MAP2K4: variants seen among roughly 807,000 people sequenced by gnomAD.
MAP2K4 encodes dual specificity mitogen-activated protein kinase kinase 4.
Under a neutral mutation model 48.5 loss-of-function variants are expected in MAP2K4, and 4 were observed. The observed-to-expected ratio is 0.08, with a 90% CI of 0.04 to 0.19. MAP2K4 has a LOEUF of 0.19. MAP2K4 is among the 10% of genes least tolerant of loss of function. The pLI, the probability that MAP2K4 is intolerant of heterozygous loss-of-function variation, is 1.00. For synonymous variants in MAP2K4, 166 were observed against 173.1 expected (o/e 0.96, Z 0.32); for missense variants, 258 against 493.3 (o/e 0.52, Z 4.52).
intron 2 of MAP2K4, among the ~76,000 whole-genome samples, chr17:12,074,001 C>G (rs752643174): frequency 6.6e-6 from 1 of 152,072 alleles, no homozygotes; most frequent in South Asian, 2.1e-4. Context: ...CTCAAACTCC[C>G]GACCTCGTGA....
chr17:12,020,929 G>T lies in MAP2K4; in HGVS notation c.43G>T (p.Gly15Cys). ...SPSGGGGSGG[G>C]SGSGTPGPVG... ...GAGCGGCGGCGGCGGCTCCGGGGGC[G>T]GCAGCGGCAGCGGCACCCCCGGCCC... is the stretch of plus-strand genomic sequence containing the variant. Residue 15 changes from glycine to cysteine, a missense_variant, in exon 1 of 11, where the codon GGC becomes TGC. Coordinates refer to ENST00000353533, the MANE Select transcript of MAP2K4 (RefSeq NM_003010.4). 8.2e-7 allele frequency: 1 copy of T among 1,217,478 alleles called. No homozygotes were observed. Among genetic ancestry groups the T allele is most frequent in the South Asian group, 4.1e-5 (1 of 24,224 alleles). The allele number at this position is 1,217,478 out of a possible 1,614,324, so 75.4% of individuals were successfully genotyped here. A position where few individuals can be genotyped will look rare whatever the true frequency, so the allele number is the denominator to read the frequency against.
At chr17:12,129,991 G>C (rs1003389111) in intron 9 of MAP2K4, among the ~76,000 whole-genome samples, 1 of 152,010 alleles carries the variant, frequency 6.6e-6, no homozygotes, top group Non-Finnish European at 1.5e-5. Flanking sequence ...GGATATTTTT[G>C]ACATTTATTT....
chr17:12,049,972 C>G (rs1346133992), intron 1 of MAP2K4, among the ~76,000 whole-genome samples: 1 of 152,122 alleles, frequency 6.6e-6, no homozygotes, highest in Non-Finnish European at 1.5e-5. Context: ...TCTTCATTAC[C>G]ATGAACAATG....
intron 1 of MAP2K4, among the ~76,000 whole-genome samples, chr17:12,048,257 G>C (rs188918324): frequency 6.6e-6 from 1 of 152,254 alleles, no homozygotes; most frequent in Non-Finnish European, 1.5e-5. Context: ...CATCTCCACT[G>C]CCTGGCATAT....
intron 3 of MAP2K4, among the ~76,000 whole-genome samples, chr17:12,083,673 A>G (rs543493157): frequency 6.6e-6 from 1 of 152,354 alleles, no homozygotes; most frequent in Admixed American, 6.5e-5. Flanking sequence ...TTTGATACCA[A>G]TTGATGACAG....
chr17:12,096,064 GCCTCCCCCCCCCC>G (rs1971741006), intron 4 of MAP2K4, among the ~76,000 whole-genome samples: 1 of 8,314 alleles, frequency 1.2e-4, no homozygotes, highest in Admixed American at 2.0e-3. Context: ...CTTGAGCAAC[GCCTCCCCCCCCCC>G]CCCCCCCCCC....
chr17:12,089,073 G>T (rs1971477686), intron 3 of MAP2K4, among the ~76,000 whole-genome samples: 1 of 151,910 alleles, frequency 6.6e-6, no homozygotes. Flanking sequence ...CACCACGCCT[G>T]GCTAATTTTT....
intron 1 of MAP2K4, chr17:12,036,562 A>G (rs1291129511): frequency 6.6e-6 from 1 of 152,180 alleles, no homozygotes; most frequent in Non-Finnish European, 1.5e-5. Flanking sequence ...ATTCTTCCAA[A>G]ACCTCCTGAT....
intron 2 of MAP2K4, among the ~76,000 whole-genome samples, chr17:12,068,414 A>G (rs1423715431): frequency 6.6e-6 from 1 of 152,194 alleles, no homozygotes; most frequent in Non-Finnish European, 1.5e-5. Flanking sequence ...TGATAAAACT[A>G]TGGTAATGTA....
intron 3 of MAP2K4, among the ~76,000 whole-genome samples, chr17:12,086,826 TTTTTGTTTTG>T (rs61021597): frequency 0.39 from 59,022 of 150,088 alleles, 12,418 homozygotes; most frequent in Middle Eastern, 0.55. Flanking sequence ...AAAAACCTGT[TTTTTGTTTTG>T]TTTTGTTTTG....
intron 9 of MAP2K4, 81 bp from the exon 10 acceptor site, chr17:12,139,758 T>C: frequency 2.1e-6 from 2 of 972,046 alleles, no homozygotes; most frequent in Non-Finnish European, 3.2e-6. Context: ...TTTCATTATT[T>C]GTAATATTTC....
chr17:12,105,508 A>G (rs1972079563), intron 4 of MAP2K4, among the ~76,000 whole-genome samples: 1 of 151,938 alleles, frequency 6.6e-6, no homozygotes, highest in Non-Finnish European at 1.5e-5. Flanking sequence ...TCCTTATGTT[A>G]CCTTAGTAGT....
intron 4 of MAP2K4, among the ~76,000 whole-genome samples, chr17:12,099,381 A>C (rs140045783): frequency 6.6e-6 from 1 of 152,044 alleles, no homozygotes; most frequent in Admixed American, 6.6e-5. Context: ...TGATATAATG[A>C]TTTATTTTTC....
chr17:12,134,757 G>A (rs1013607884), intron 9 of MAP2K4, among the ~76,000 whole-genome samples: 1 of 152,112 alleles, frequency 6.6e-6, no homozygotes, highest in African/African-American at 2.4e-5. Flanking sequence ...GCACACAAAT[G>A]TACACAAAAC....
intron 1 of MAP2K4, among the ~76,000 whole-genome samples, chr17:12,034,002 G>A (rs1969517864): frequency 6.6e-6 from 1 of 152,058 alleles, no homozygotes; most frequent in Admixed American, 6.5e-5. Context: ...TGTTGCCCAG[G>A]CTGGTCTCGA....
intron 2 of MAP2K4, among the ~76,000 whole-genome samples, chr17:12,071,060 G>A (rs1970789925): frequency 1.3e-5 from 2 of 152,272 alleles, no homozygotes; most frequent in South Asian, 4.1e-4. Context: ...AATCTCTATG[G>A]TCTTCTTCCC....
At chr17:12,107,414 A>AAGTTTATGT (rs1972151360) in intron 4 of MAP2K4, among the ~76,000 whole-genome samples, 1 of 142,114 alleles carries the variant, frequency 7.0e-6, no homozygotes, top group Non-Finnish European at 1.5e-5. Context: ...CTAATTTAAG[A>AAGTTTATGT]AGTTTATGTA....
At chr17:12,137,177 G>T (rs112371843) in intron 9 of MAP2K4, among the ~76,000 whole-genome samples, 30 of 152,278 alleles carry the variant, frequency 2.0e-4, no homozygotes, top group African/African-American at 6.7e-4. Flanking sequence ...GATTAGTGGG[G>T]CACTCAGACA....
At position 12,142,450 on chromosome 17, in the gene MAP2K4, A is replaced by G; in HGVS notation, c.*1190A>G. On this transcript the variant is annotated 3_prime_UTR_variant, in exon 11 of 11. Coordinates refer to ENST00000353533, the MANE Select transcript of MAP2K4 (RefSeq NM_003010.4). ...CTTTTTTCTATATCAAAAAACCTTT[A>G]CAGTTAGCAGGGATGTTCCTTACCA... 4.3e-6 allele frequency: 1 copy of G among 232,972 alleles called. No homozygotes were observed. The highest frequency in any genetic ancestry group is 6.0e-5 in the East Asian group (1 of 16,556). 14.4% of individuals were successfully genotyped at this position (232,972 alleles called of 1,614,324 possible).
Sources: gnomAD v4.1 joint callset for allele counts (sites outside exome capture counted in the v4.1 genomes callset) on GRCh38, gnomAD v4.1.1 for gene constraint, MANE v1.5 for transcripts, NCBI Gene and HGNC (gene_info 2026-07-23, HGNC 2026-07-21) for gene names.